Variants in DLC1 observed in about 807,000 individuals in gnomAD.
DLC1 encodes the protein rho GTPase-activating protein 7.
DLC1 carries 54 observed loss-of-function variants against 140.3 expected under a neutral mutation model. The observed-to-expected ratio is 0.38, with a 90% confidence interval of 0.31 to 0.48. DLC1 has a LOEUF of 0.48. DLC1 is among the 20% of genes least tolerant of loss of function. The probability of loss-of-function intolerance (pLI) is 0.96; values close to 1 mark genes in which losing one functional copy is unlikely to be tolerated. For synonymous variants in DLC1, 986 were observed against 728.1 expected (o/e 1.35, Z -5.70); for missense variants, 2,536 against 1,907.0 (o/e 1.33, Z -6.14).
chr8:13,433,472 A>G (rs1022996743), intron 2 of DLC1, among the ~76,000 whole-genome samples: 13 of 152,216 alleles, frequency 8.5e-5, no homozygotes, highest in Non-Finnish European at 1.5e-4. Context: ...CTCATATGTA[A>G]AAAGTTAACA....
At chr8:13,088,197 G>A (rs7002004) in intron 16 of DLC1, among the ~76,000 whole-genome samples, 42,238 of 152,028 alleles carry the variant, frequency 0.28, 6,961 homozygotes, top group East Asian at 0.56. Flanking sequence ...CTCCTGCCTC[G>A]GCCTCCCGAG....
chr8:13,182,209 G>A (rs574478001), intron 5 of DLC1, among the ~76,000 whole-genome samples: 43 of 151,736 alleles, frequency 2.8e-4, no homozygotes, highest in African/African-American at 1.0e-3. Flanking sequence ...ATGTAAATTG[G>A]TTTGAGTTCT....
chr8:13,083,943 T>C lies in DLC1; in HGVS notation c.*1868A>G, dbSNP rs927848227. On this transcript the variant is annotated 3_prime_UTR_variant, in exon 18 of 18. Coordinates refer to ENST00000276297, the MANE Select transcript of DLC1 (RefSeq NM_182643.3). Reference sequence around the variant, plus strand: ...TTCCCTTACTTTAAACATTTAATAATAGTGCACTTATTGATTATAATCTGT... The same window carrying C: ...TTCCCTTACTTTAAACATTTAATAACAGTGCACTTATTGATTATAATCTGT... 6.6e-6 allele frequency: 1 copy of C among 152,664 alleles called. No homozygotes were observed. Among genetic ancestry groups the C allele is most frequent in the African/African-American group, 2.4e-5 (1 of 41,466 alleles). 9.5% of individuals were successfully genotyped at this position (152,664 alleles called of 1,614,324 possible). A position where few individuals can be genotyped will look rare whatever the true frequency, so the allele number is the denominator to read the frequency against.
chr8:13,602,748 A>G (rs13280049), intron 1 of DLC1, among the ~76,000 whole-genome samples: 38,800 of 151,822 alleles, frequency 0.26, 5,908 homozygotes, highest in Non-Finnish European at 0.35. Flanking sequence ...ATAAAACAAC[A>G]TAATTTTTTT....
chr8:13,250,050 GA>G (rs1270539819), intron 5 of DLC1, among the ~76,000 whole-genome samples: 2 of 152,130 alleles, frequency 1.3e-5, no homozygotes, highest in African/African-American at 2.4e-5. Context: ...TCCAGTACTG[GA>G]CAGTGAGACC....
intron 4 of DLC1, among the ~76,000 whole-genome samples, chr8:13,336,872 C>G (rs953034338): frequency 4.8e-5 from 7 of 144,362 alleles, no homozygotes; most frequent in African/African-American, 1.8e-4. Flanking sequence ...AAAATTAACA[C>G]ATTAAGACTG....
At chr8:13,303,342 A>C (rs1262580630) in intron 5 of DLC1, among the ~76,000 whole-genome samples, 1 of 152,062 alleles carries the variant, frequency 6.6e-6, no homozygotes, top group Non-Finnish European at 1.5e-5. Flanking sequence ...TAATCTCTCG[A>C]TTCTTTTATG....
At chr8:13,191,771 C>A (rs1183368674) in intron 5 of DLC1, among the ~76,000 whole-genome samples, 1 of 151,980 alleles carries the variant, frequency 6.6e-6, no homozygotes, top group African/African-American at 2.4e-5. Context: ...GTGACTGTGG[C>A]CACAACATTC....
intron 5 of DLC1, among the ~76,000 whole-genome samples, chr8:13,149,784 T>C (rs958661307): frequency 1.3e-5 from 2 of 152,216 alleles, no homozygotes; most frequent in African/African-American, 4.8e-5. Flanking sequence ...CCCCACTGGT[T>C]AAGGCTGGAA....
intron 9 of DLC1, among the ~76,000 whole-genome samples, chr8:13,099,014 A>G (rs1188767248): frequency 1.3e-5 from 2 of 152,096 alleles, no homozygotes; most frequent in African/African-American, 2.4e-5. Context: ...CCATGCTTTA[A>G]TCCCCATTAT....
intron 5 of DLC1, among the ~76,000 whole-genome samples, chr8:13,301,705 A>G (rs1164493420): frequency 2.0e-5 from 3 of 152,202 alleles, no homozygotes; most frequent in Admixed American, 6.5e-5. Flanking sequence ...GTGATCTGTT[A>G]GGAACCAGGC....
At chr8:13,589,891 A>G (rs901682224) in intron 1 of DLC1, among the ~76,000 whole-genome samples, 9 of 151,708 alleles carry the variant, frequency 5.9e-5, no homozygotes, top group African/African-American at 1.2e-4. Context: ...AGTGTTTTGG[A>G]AAAAAAAGGC....
At chr8:13,185,291 TG>T (rs1186364689) in intron 5 of DLC1, among the ~76,000 whole-genome samples, 1,681 of 74,708 alleles carry the variant, frequency 0.023, 27 homozygotes, top group Non-Finnish European at 0.033. Context: ...CTGTTTTTTT[TG>T]TTTGTTTGTT....
intron 2 of DLC1, among the ~76,000 whole-genome samples, chr8:13,436,803 C>G (rs1003701068): frequency 6.6e-6 from 1 of 152,132 alleles, no homozygotes; most frequent in Admixed American, 6.6e-5. Context: ...TTTTTTTAAT[C>G]ACATAAAGTT....
At chr8:13,217,523 CTG>C (rs916664774) in intron 5 of DLC1, among the ~76,000 whole-genome samples, 6 of 152,204 alleles carry the variant, frequency 3.9e-5, no homozygotes, top group African/African-American at 1.4e-4. Context: ...GGAAGAGACT[CTG>C]TCATATTCAT....
intron 1 of DLC1, among the ~76,000 whole-genome samples, chr8:13,529,169 A>G (rs1464605239): frequency 2.0e-5 from 3 of 152,202 alleles, no homozygotes; most frequent in Non-Finnish European, 4.4e-5. Context: ...TTTTATTACC[A>G]TTAAGCTACT....
intron 5 of DLC1, chr8:13,132,885 G>T (rs1822235031): frequency 1.3e-6 from 2 of 1,547,774 alleles, no homozygotes; most frequent in East Asian, 4.9e-5. Context: ...CTCGCGGCGG[G>T]TCCCCTCCGC....
chr8:13,427,302 C>T (rs866919436), intron 2 of DLC1, among the ~76,000 whole-genome samples: 2 of 152,118 alleles, frequency 1.3e-5, no homozygotes, highest in Admixed American at 6.6e-5. Context: ...GGGCTCTGTC[C>T]CGACACTGGC....
At chr8:13,530,060 G>T (rs1018626500) in intron 1 of DLC1, among the ~76,000 whole-genome samples, 1 of 152,134 alleles carries the variant, frequency 6.6e-6, no homozygotes, top group Non-Finnish European at 1.5e-5. Context: ...AGAGCAAGGG[G>T]CACATCTGTG....
Sources: allele counts gnomAD v4.1 joint callset (sites outside exome capture counted in the v4.1 genomes callset), GRCh38; gene constraint gnomAD v4.1.1; transcripts MANE v1.5; gene names NCBI Gene and HGNC (gene_info 2026-07-23, HGNC 2026-07-21).